SLC29A1: variants seen among roughly 807,000 people sequenced by gnomAD.
SLC29A1 encodes the protein solute carrier family 29 member 1 (Augustine blood group), also known as equilibrative nucleoside transporter 1.
A neutral mutation model predicts 48.3 loss-of-function variants in SLC29A1; 22 were observed. That is an observed-to-expected ratio of 0.46 (90% confidence interval 0.33 to 0.65). The LOEUF (loss-of-function observed/expected upper bound fraction) is 0.65, where lower values mean the gene tolerates loss of function less well. SLC29A1 is among the 30% of genes least tolerant of loss of function. The pLI is 0.03. For synonymous variants in SLC29A1, 228 were observed against 231.0 expected (o/e 0.99, Z 0.12); for missense variants, 491 against 575.3 (o/e 0.85, Z 1.50).
At chr6:44,221,736 C>T, upstream of SLC29A1, 3 of 974,616 alleles carry the variant, frequency 3.1e-6, no homozygotes, top group Non-Finnish European at 4.3e-6. The surrounding 1 kb of genome is among the most constrained non-coding windows in gnomAD (Gnocchi z 4.2). Context: ...CACCCAGCAA[C>T]CTCTGCTTGG....
chr6:44,230,445 T>C lies in SLC29A1; in HGVS notation c.553T>C (p.Phe185Leu). The C allele has an allele frequency of 1.2e-6, 2 of 1,613,998 alleles. No homozygotes were observed. The highest frequency in any genetic ancestry group is 1.7e-6 in the Non-Finnish European group (2 of 1,179,974). Residue 185 changes from phenylalanine (F) to leucine (L), a missense_variant, in exon 6 of 13, where the codon TTC becomes CTC. Transcript: ENST00000371755. ...CATGAGTGGCCAGGGCCTAGCAGGC[T>C]TCTTTGCCTCCGTGGCCATGATCTG... ...PIMSGQGLAG[F>L]FASVAMICAI...
intron 7 of SLC29A1, 68 bp downstream of exon 7, chr6:44,230,733 A>C (rs1203371824): frequency 1.3e-6 from 2 of 1,573,834 alleles, no homozygotes; most frequent in Non-Finnish European, 1.7e-6. Flanking sequence ...GGGTGTTCTG[A>C]GGACAAAACC....
At chr6:44,230,117 G>T in intron 5 of SLC29A1, 71 bp downstream of exon 5, 1 of 1,583,966 alleles carries the variant, frequency 6.3e-7, no homozygotes, top group Non-Finnish European at 8.6e-7. Flanking sequence ...TTCAGACCCA[G>T]CGTTAGCCAG....
chr6:44,233,293 T>C lies in SLC29A1; in HGVS notation c.1260-124T>C. On this transcript the variant is annotated intron_variant, in intron 12 of 12. Transcript: ENST00000371755. The stretch of plus-strand genomic sequence containing the variant: ...CCAGGTTGGGGTTAGGCAGCCAGGA[T>C]GGGTTGATCAACAGAATGAGGTTCG... 4 of 864,718 alleles carry C rather than the reference T, an allele frequency of 4.6e-6. No individual in the cohort carries two copies. The Admixed American group carries it at 5.7e-5, about 12-fold the overall frequency. The allele number at this position is 864,718 out of a possible 1,614,324, so 53.6% of individuals were successfully genotyped here.
At position 44,229,309 on chromosome 6, in the gene SLC29A1, G is replaced by T; in HGVS notation, c.30-81G>T. ...CCTGGGACCTAGAGAGACTGACAAC[G>T]GACAGGGGCTTTCCTGGGGCTCATT... On this transcript the variant is annotated intron_variant, in intron 2 of 12. Coordinates refer to ENST00000371755, the MANE Select transcript of SLC29A1 (RefSeq NM_001372327.1). This position sits in a 1 kb window ranked among gnomAD's most constrained non-coding sequence, Gnocchi z 5.1. The T allele has an allele frequency of 9.0e-7, 1 of 1,106,040 alleles. No homozygotes were observed. Among genetic ancestry groups the T allele is most frequent in the South Asian group, 1.2e-5 (1 of 80,762 alleles). The allele number at this position is 1,106,040 out of a possible 1,614,324, so 68.5% of individuals were successfully genotyped here.
In SLC29A1 at chr6:44,232,392, C is replaced by T. The variant is rs774033259; in HGVS notation, c.1023C>T (p.Asp341=). Residue 341 remains aspartate, a synonymous_variant, in exon 11 of 13, where the codon GAC becomes GAT. Transcript: ENST00000371755. The surrounding 1 kb of genome is among the most constrained non-coding windows in gnomAD (Gnocchi z 4.7). ...VSCFLTFNIF[D]WLGRSLTAVF... ...GTTTCTTGACTTTCAATATCTTTGA[C>T]TGGTTGGGCCGGAGCCTCACAGCTG... 5.0e-6 allele frequency: 8 copies of T among 1,613,624 alleles called. No homozygotes were observed. The highest frequency in any genetic ancestry group is 2.7e-5 in the African/African-American group (2 of 74,904).
In SLC29A1 at chr6:44,232,858, T is replaced by G. The variant is rs756040578; in HGVS notation, c.1111T>G (p.Phe371Val). 2 of 1,613,762 alleles carry G rather than the reference T, an allele frequency of 1.2e-6. No homozygotes were observed. Among genetic ancestry groups the G allele is most frequent in the Middle Eastern group, 1.6e-4 (1 of 6,082 alleles). The change falls in exon 12 of 13, where the codon TTT (phenylalanine) becomes GTT (valine). Residue 371 changes from phenylalanine (F) to valine (V), a missense_variant. Physicochemically the swap from Phe to Val is conservative, Grantham distance 50 (BLOSUM62 -1). Transcript: ENST00000371755. This position sits in a 1 kb window ranked among gnomAD's most constrained non-coding sequence, Gnocchi z 4.7. ...AAGCCTGGTGCTGGCCCGGCTGGTGTTTGTGCCACTGCTGCTGCTGTGCAA... is the reference window on the plus strand; with the variant it reads ...AAGCCTGGTGCTGGCCCGGCTGGTGGTTGTGCCACTGCTGCTGCTGTGCAA... ...LPSLVLARLVFVPLLLLCNIK... is the reference protein window; with the variant it reads ...LPSLVLARLVVVPLLLLCNIK...
chr6:44,219,818 GGGTGGGGTGGGGGCGA>G (rs1776116936), upstream of SLC29A1: 1 of 1,148,312 alleles, frequency 8.7e-7, no homozygotes, highest in African/African-American at 1.6e-5. Context: ...TGGCGGGGCG[GGGTGGGGTGGGGGCGA>G]GGTCTGCGCC....
At chr6:44,230,711 G>GGC in intron 7 of SLC29A1, 46 bp downstream of exon 7, 14 of 1,025,470 alleles carry the variant, frequency 1.4e-5, no homozygotes, top group Non-Finnish European at 1.9e-5. Flanking sequence ...GGGGTCTGGG[G>GGC]TTCCAGACCA....
Position 44,233,953 on chromosome 6 carries a change from A to C in SLC29A1, c.*425A>C. The stretch of plus-strand genomic sequence containing the variant: ...ACCGTTGTATGGTTTGACCTGATAT[A>C]CTCCATTCTCCCCTGCGCCTCCTCC... On this transcript the variant is annotated 3_prime_UTR_variant, in exon 13 of 13. Transcript: ENST00000371755. The C allele has an allele frequency of 1.1e-5, 2 of 180,488 alleles. No individual in the cohort carries two copies. The highest frequency in any genetic ancestry group is 1.6e-4 in the East Asian group (1 of 6,138). The allele number at this position is 180,488 out of a possible 1,614,324, so 11.2% of individuals were successfully genotyped here.
Position 44,232,868 on chromosome 6 carries a change from T to A in SLC29A1, c.1121T>A (p.Leu374Gln), listed in dbSNP as rs1341331802. 3 of 1,613,790 alleles carry A rather than the reference T, an allele frequency of 1.9e-6. No homozygotes were observed. ...LVLARLVFVP[L>Q]LLLCNIKPRR... ...CTGGCCCGGCTGGTGTTTGTGCCAC[T>A]GCTGCTGCTGTGCAACATTAAGCCC... Residue 374 changes from leucine (L) to glutamine (Q), a missense_variant, in exon 12 of 13, where the codon CTG becomes CAG. Transcript: ENST00000371755. The surrounding 1 kb of genome is among the most constrained non-coding windows in gnomAD (Gnocchi z 4.7).
In SLC29A1 at chr6:44,233,468, C is replaced by T. The variant is rs1008056018; in HGVS notation, c.1311C>T (p.Phe437=). ...AETAGAIMAF[F]LCLGLALGAV... is the part of the protein sequence containing the mutation. ...CCGCAGGAGCCATCATGGCCTTCTTCCTGTGTCTGGGTCTGGCACTGGGGG... is the reference window on the plus strand; with the variant it reads ...CCGCAGGAGCCATCATGGCCTTCTTTCTGTGTCTGGGTCTGGCACTGGGGG... The change falls in exon 13 of 13, where the codon TTC becomes TTT. Residue 437 remains phenylalanine, a synonymous_variant. Coordinates refer to ENST00000371755, the MANE Select transcript of SLC29A1 (RefSeq NM_001372327.1). The T allele has an allele frequency of 4.3e-6, 7 of 1,614,082 alleles. No individual in the cohort carries two copies. The highest frequency in any genetic ancestry group is 5.9e-6 in the Non-Finnish European group (7 of 1,180,036).
At position 44,227,312 on chromosome 6, in the gene SLC29A1, C is replaced by T; in HGVS notation, c.-2C>T. 2 of 1,614,132 alleles carry T rather than the reference C, an allele frequency of 1.2e-6. No homozygotes were observed. The highest frequency in any genetic ancestry group is 1.6e-4 in the Middle Eastern group (1 of 6,062). On this transcript the variant is annotated 5_prime_UTR_variant, in exon 2 of 13. Coordinates refer to ENST00000371755, the MANE Select transcript of SLC29A1 (RefSeq NM_001372327.1). ...CCAGGGAAAACCGAGAACACCATCA[C>T]CATGACAACCAGTCACCAGCCTCAG...
rs1779214618 is a variant in SLC29A1 at position 44,232,878 on chromosome 6, G to A, written c.1131G>A (p.Leu377=). 4.3e-6 allele frequency: 7 copies of A among 1,614,092 alleles called. No individual in the cohort carries two copies. The highest frequency in any genetic ancestry group is 1.3e-5 in the African/African-American group (1 of 75,062). Residue 377 remains leucine (L), a synonymous_variant, in exon 12 of 13, where the codon CTG becomes CTA. Transcript: ENST00000371755. The surrounding 1 kb of genome is among the most constrained non-coding windows in gnomAD (Gnocchi z 4.7). ...TGGTGTTTGTGCCACTGCTGCTGCT[G>A]TGCAACATTAAGCCCCGCCGCTACC... ...ARLVFVPLLL[L]CNIKPRRYLT...
intron 5 of SLC29A1, 105 bp downstream of exon 5, chr6:44,230,151 A>C: frequency 6.6e-7 from 1 of 1,522,944 alleles, no homozygotes; most frequent in Non-Finnish European, 9.0e-7. Flanking sequence ...CTCCGCCTGG[A>C]GGGAGTGGAT....
Position 44,223,681 on chromosome 6 carries a change from G to C in SLC29A1, c.-52+40G>C. The C allele has an allele frequency of 2.6e-6, 3 of 1,142,200 alleles. No individual in the cohort carries two copies. Among genetic ancestry groups the C allele is most frequent in the Non-Finnish European group, 3.3e-6 (3 of 911,418 alleles). 70.8% of individuals were successfully genotyped at this position (1,142,200 alleles called of 1,614,324 possible). On this transcript the variant is annotated intron_variant, in intron 1 of 12. Transcript: ENST00000371755. This position sits in a 1 kb window ranked among gnomAD's most constrained non-coding sequence, Gnocchi z 5.0. ...CGGGGACTGGGGACTGGGGACTGCCGGGGCGGAAGACGCCGCTGCCCGCCT... is the reference window on the plus strand; with the variant it reads ...CGGGGACTGGGGACTGGGGACTGCCCGGGCGGAAGACGCCGCTGCCCGCCT...
intron 1 of SLC29A1, chr6:44,226,118 G>T (rs1208168640): frequency 1.9e-5 from 19 of 985,298 alleles, no homozygotes; most frequent in Non-Finnish European, 2.3e-5. Context: ...CCTAGGGACT[G>T]CCCAGGCTTG....
At position 44,232,346 on chromosome 6, in the gene SLC29A1, G is replaced by GTTA. The variant is rs1561887122; in HGVS notation, c.978_980dup (p.Tyr327dup). On this transcript the variant is annotated inframe_insertion, in exon 11 of 13. Coordinates refer to ENST00000371755, the MANE Select transcript of SLC29A1 (RefSeq NM_001372327.1). The surrounding 1 kb of genome is among the most constrained non-coding windows in gnomAD (Gnocchi z 4.7). ...ACCCGTTCATCTCCTCTTCCAGAAC[G>GTTA]TTACTTCATTCCTGTGTCCTGTTTC... 3 of 1,611,454 alleles carry GTTA rather than the reference G, an allele frequency of 1.9e-6. No individual in the cohort carries two copies. The highest frequency in any genetic ancestry group is 1.7e-4 in the Middle Eastern group (1 of 6,058).
Position 44,232,035 on chromosome 6 carries a change from C to T in SLC29A1, c.902C>T (p.Thr301Ile), listed in dbSNP as rs372644592. 4.3e-6 allele frequency: 7 copies of T among 1,614,060 alleles called. No homozygotes were observed. The highest frequency in any genetic ancestry group is 1.6e-4 in the Middle Eastern group (1 of 6,062). ...GCTTTCTCTGTCTGCTTCATCTTCA[C>T]TATCACCATTGGGATGTTTCCAGCC... Reference protein sequence around the residue: ...VLAFSVCFIFTITIGMFPAVT... With the variant: ...VLAFSVCFIFIITIGMFPAVT... The change falls in exon 10 of 13, where the codon ACT becomes ATT. Residue 301 changes from threonine to isoleucine, a missense_variant. Coordinates refer to ENST00000371755, the MANE Select transcript of SLC29A1 (RefSeq NM_001372327.1). This position sits in a 1 kb window ranked among gnomAD's most constrained non-coding sequence, Gnocchi z 4.7.
Sources: allele counts gnomAD v4.1 joint callset, GRCh38; gene constraint gnomAD v4.1.1; non-coding constraint Gnocchi (gnomAD v3.1); transcripts MANE v1.5; gene names NCBI Gene and HGNC (gene_info 2026-07-23, HGNC 2026-07-21).